The following TAFA2 variants were observed in gnomAD, a reference collection of about 807,000 sequenced individuals.
TAFA2 encodes the protein chemokine-like protein TAFA-2.
A neutral mutation model predicts 18.8 loss-of-function variants in TAFA2; 7 were observed. The observed-to-expected ratio is 0.37, with a 90% confidence interval of 0.21 to 0.70. TAFA2 has a LOEUF of 0.70. TAFA2 is among the 30% of genes least tolerant of loss of function. The pLI, the probability that TAFA2 is intolerant of heterozygous loss-of-function variation, is 0.53. For synonymous variants in TAFA2, 60 were observed against 54.2 expected (o/e 1.11, Z -0.47); for missense variants, 122 against 158.1 (o/e 0.77, Z 1.23).
chr12:61,732,250 C>A (rs1457804404), intron 4 of TAFA2, among the ~76,000 whole-genome samples: 1 of 151,990 alleles, frequency 6.6e-6, no homozygotes, highest in Admixed American at 6.6e-5. Flanking sequence ...GAAAAAAGTA[C>A]AAAAGGGTGG....
Position 62,240,185 on chromosome 12 carries a change from G to A in TAFA2, c.-130+18578C>T, listed in dbSNP as rs1051943718. Among the ~76,000 whole-genome samples the A allele has an allele frequency of 7.2e-5, 11 of 152,118 alleles. No homozygotes were observed. In the East Asian group the frequency reaches 1.5e-3, roughly 21 times the overall value. ...TGTAATCCCAGCACTCTGGGAGGCC[G>A]ATGTGGGCGGATCACCTGAGGTCAG... On this transcript the variant is annotated intron_variant, in intron 1 of 5. Coordinates refer to the TAFA2 transcript ENST00000551619.
chr12:62,073,352 G>T (rs1052353872), intron 1 of TAFA2, among the ~76,000 whole-genome samples: 1 of 151,728 alleles, frequency 6.6e-6, no homozygotes, highest in Non-Finnish European at 1.5e-5. Context: ...ATAGGTAGGT[G>T]TTATTATCTT....
intron 1 of TAFA2, among the ~76,000 whole-genome samples, chr12:62,214,153 T>C (rs1050128364): frequency 2.6e-5 from 4 of 152,314 alleles, no homozygotes; most frequent in Middle Eastern, 3.4e-3. Context: ...ATGTGAGAAA[T>C]AATCCCCCTT....
rs188610232 is a variant in TAFA2 at position 62,008,919 on chromosome 12, G to A, written c.-1-141493C>T. Among the ~76,000 whole-genome samples the A allele has an allele frequency of 2.1e-3, 315 of 152,314 alleles. 1 individual carries two copies. Among genetic ancestry groups the A allele is most frequent in the African/African-American group, 7.1e-3 (294 of 41,574 alleles). On this transcript the variant is annotated intron_variant, in intron 1 of 4. Transcript: ENST00000416284. The stretch of plus-strand genomic sequence containing the variant: ...ATCAAATGACAGAAATTGATAGAAA[G>A]AGGACTGTTGTGCAATCATACTTGG...
At chr12:61,808,532 T>C (rs1300315177) in intron 2 of TAFA2, among the ~76,000 whole-genome samples, 2 of 151,312 alleles carry the variant, frequency 1.3e-5, no homozygotes, top group African/African-American at 2.5e-5. Context: ...TAAAATATGA[T>C]TAGGATTTAG....
At chr12:61,975,468 T>G (rs1879396306) in intron 1 of TAFA2, among the ~76,000 whole-genome samples, 1 of 151,088 alleles carries the variant, frequency 6.6e-6, no homozygotes. Flanking sequence ...GGGTCATCCA[T>G]TTTGTCACAA....
intron 1 of TAFA2, among the ~76,000 whole-genome samples, chr12:62,043,499 A>G (rs1405313952): frequency 6.6e-6 from 1 of 152,116 alleles, no homozygotes; most frequent in Non-Finnish European, 1.5e-5. Flanking sequence ...GCATTAGGAG[A>G]TACACCTAAT....
intron 1 of TAFA2, among the ~76,000 whole-genome samples, chr12:62,215,157 A>G (rs949620705): frequency 6.6e-6 from 1 of 152,172 alleles, no homozygotes; most frequent in Admixed American, 6.5e-5. Context: ...CAAGACAATC[A>G]TACCTCCAGG....
At chr12:62,144,525 A>T (rs1468642109) in intron 1 of TAFA2, among the ~76,000 whole-genome samples, 1 of 152,178 alleles carries the variant, frequency 6.6e-6, no homozygotes, top group Non-Finnish European at 1.5e-5. Context: ...ACCAGCACAG[A>T]GCTGACACCA....
chr12:62,109,520 G>A (rs1039314475), intron 1 of TAFA2, among the ~76,000 whole-genome samples: 27 of 152,312 alleles, frequency 1.8e-4, no homozygotes, highest in African/African-American at 5.3e-4. Flanking sequence ...TGTGAAGAAA[G>A]TCATTGGTAG....
At chr12:61,787,325 CA>C (rs1870780899) in intron 2 of TAFA2, among the ~76,000 whole-genome samples, 2 of 151,628 alleles carry the variant, frequency 1.3e-5, no homozygotes, top group African/African-American at 4.8e-5. Context: ...TGCTGCAACT[CA>C]AAGCCAAGAA....
intron 1 of TAFA2, among the ~76,000 whole-genome samples, chr12:61,875,214 T>C (rs759880730): frequency 1.3e-5 from 2 of 152,062 alleles, no homozygotes; most frequent in East Asian, 1.9e-4. Flanking sequence ...TGTTGAGGCA[T>C]TTTACTCTTT....
At chr12:61,762,628 A>G in intron 2 of TAFA2, among the ~76,000 whole-genome samples, 1 of 102,478 alleles carries the variant, frequency 9.8e-6, no homozygotes, top group East Asian at 3.1e-4. Flanking sequence ...TTCTAATTTC[A>G]TTTTTTATAT....
intron 4 of TAFA2, among the ~76,000 whole-genome samples, chr12:61,725,670 T>C (rs1340337797): frequency 6.6e-6 from 1 of 152,150 alleles, no homozygotes; most frequent in Non-Finnish European, 1.5e-5. Flanking sequence ...AGTACCATGC[T>C]GCTTTGGTGA....
At chr12:61,775,451 A>C (rs1426899306) in intron 2 of TAFA2, among the ~76,000 whole-genome samples, 1 of 151,850 alleles carries the variant, frequency 6.6e-6, no homozygotes, top group Non-Finnish European at 1.5e-5. Flanking sequence ...AGACAATGGA[A>C]TATTATTCAA....
intron 1 of TAFA2, among the ~76,000 whole-genome samples, chr12:62,173,519 C>G (rs550963695): frequency 6.6e-6 from 1 of 152,104 alleles, no homozygotes; most frequent in African/African-American, 2.4e-5. Flanking sequence ...TACAATATAC[C>G]CCATCATATG....
chr12:62,051,741 T>A (rs540442617), intron 1 of TAFA2, among the ~76,000 whole-genome samples: 1 of 151,846 alleles, frequency 6.6e-6, no homozygotes, highest in South Asian at 2.1e-4. Flanking sequence ...AGTGCCTGAT[T>A]CACTGGGGGC....
chr12:62,093,661 G>A (rs1868818963), intron 1 of TAFA2, among the ~76,000 whole-genome samples: 1 of 151,982 alleles, frequency 6.6e-6, no homozygotes, highest in African/African-American at 2.4e-5. Context: ...TCCAGTGTTG[G>A]TGTCATATGC....
intron 2 of TAFA2, among the ~76,000 whole-genome samples, chr12:61,782,274 A>T (rs1179589558): frequency 6.6e-6 from 1 of 151,690 alleles, no homozygotes; most frequent in Non-Finnish European, 1.5e-5. Context: ...GATAAAGACT[A>T]TGTTTGATAA....
Sources: allele counts gnomAD v4.1 joint callset (sites outside exome capture counted in the v4.1 genomes callset), GRCh38; gene constraint gnomAD v4.1.1; transcripts MANE v1.5; gene names NCBI Gene and HGNC (gene_info 2026-07-23, HGNC 2026-07-21).